Variants in UGT1A9 observed in about 807,000 individuals in gnomAD.
UGT1A9 encodes the protein UDP-glucuronosyltransferase 1A9.
A neutral mutation model predicts 45.0 loss-of-function variants in UGT1A9; 35 were observed. The ratio of observed to expected loss-of-function variants is 0.78; its 90% confidence interval spans 0.59 to 1.03. UGT1A9 has a LOEUF of 1.03. Ranked by LOEUF, UGT1A9 falls within the 50% of genes least tolerant of loss-of-function variation. UGT1A9 has a pLI of 0.00. For synonymous variants in UGT1A9, 278 were observed against 250.6 expected, an observed-to-expected ratio of 1.11 and a Z score of -1.03; for missense variants, 687 against 666.6, an observed-to-expected ratio of 1.03 and a Z score of -0.34.
chr2:233,766,403 C>T (rs889722071), intron 1 of UGT1A9, among the ~76,000 whole-genome samples: 1 of 152,294 alleles, frequency 6.6e-6, no homozygotes, highest in South Asian at 2.1e-4. Flanking sequence ...TGCGTCCCTC[C>T]GCTGATGTGC....
intron 1 of UGT1A9, among the ~76,000 whole-genome samples, chr2:233,726,233 C>G (rs536787138): frequency 6.6e-6 from 1 of 152,166 alleles, no homozygotes; most frequent in Non-Finnish European, 1.5e-5. Flanking sequence ...TTTTTTAAAA[C>G]TCCAATATGA....
chr2:233,710,910 C>A (rs1487105945), intron 1 of UGT1A9, among the ~76,000 whole-genome samples: 2 of 152,188 alleles, frequency 1.3e-5, no homozygotes, highest in African/African-American at 4.8e-5. Flanking sequence ...GGAAAGAGGT[C>A]TTTAGACCAC....
intron 1 of UGT1A9, among the ~76,000 whole-genome samples, chr2:233,685,222 G>A (rs989552534): frequency 5.9e-5 from 9 of 151,998 alleles, no homozygotes; most frequent in Non-Finnish European, 7.4e-5. Context: ...TAATAGAGAC[G>A]GGGTTTCACC....
At chr2:233,723,516 CTTTTTTTT>C (rs1162916866) in intron 1 of UGT1A9, among the ~76,000 whole-genome samples, 9 of 85,406 alleles carry the variant, frequency 1.1e-4, no homozygotes, top group African/African-American at 3.9e-4. Context: ...GGTCAACAAT[CTTTTTTTT>C]TTTTTTTTTT....
chr2:233,672,707 T>C lies in UGT1A9; in HGVS notation c.773T>C (p.Val258Ala), dbSNP rs765305963. 132 of 1,613,858 alleles carry C rather than the reference T, an allele frequency of 8.2e-5. No homozygotes were observed. In the Middle Eastern group the frequency reaches 9.9e-4, roughly 12 times the overall value. ...TSIWLLRTDF[V>A]LDYPKPVMPN... ...ATTTGGTTGTTGCGAACGGACTTTG[T>C]TTTGGACTATCCCAAACCCGTGATG... The change falls in exon 1 of 5, where the codon GTT becomes GCT. Residue 258 changes from valine (V) to alanine (A), a missense_variant. Coordinates refer to ENST00000354728, the MANE Select transcript of UGT1A9 (RefSeq NM_021027.3).
In UGT1A9 at chr2:233,769,812, GC is replaced by G; in HGVS notation, c.1295+1375del. The G allele has an allele frequency of 1.0e-6, 1 of 971,458 alleles. No individual in the cohort carries two copies. Among genetic ancestry groups the G allele is most frequent in the African/African-American group, 1.7e-5 (1 of 59,662 alleles). The allele number at this position is 971,458 out of a possible 1,614,324, so 60.2% of individuals were successfully genotyped here. A position where few individuals can be genotyped will look rare whatever the true frequency, so the allele number is the denominator to read the frequency against. On this transcript the variant is annotated intron_variant, in intron 4 of 4. Coordinates refer to ENST00000354728, the MANE Select transcript of UGT1A9 (RefSeq NM_021027.3). This position sits in a 1 kb window ranked among gnomAD's most constrained non-coding sequence, Gnocchi z 4.4. The stretch of plus-strand genomic sequence containing the variant: ...GGAGGCTGCTATGAGCCGTGATCAT[GC>G]CACTGCACTCCAGCAACCTGGGCAA...
chr2:233,761,009 A>T, intron 1 of UGT1A9: 2 of 1,614,002 alleles, frequency 1.2e-6, no homozygotes, highest in Non-Finnish European at 1.7e-6. Flanking sequence ...CTTCAGAGAG[A>T]GGTGACTGTC....
chr2:233,685,187 T>C (rs774060985), intron 1 of UGT1A9, among the ~76,000 whole-genome samples: 5 of 152,124 alleles, frequency 3.3e-5, no homozygotes, highest in Non-Finnish European at 5.9e-5. Context: ...CAGGAGAACA[T>C]TAAAACGGTT....
chr2:233,757,535 A>AATATATATACATATAT (rs376887521), intron 1 of UGT1A9, among the ~76,000 whole-genome samples: 314 of 87,900 alleles, frequency 3.6e-3, no homozygotes, highest in Non-Finnish European at 5.4e-3. Context: ...GCCTGTAAGG[A>AATATATATACATATAT]ATATATATAT....
At chr2:233,677,755 G>C (rs1223432615) in intron 1 of UGT1A9, among the ~76,000 whole-genome samples, 1 of 151,888 alleles carries the variant, frequency 6.6e-6, no homozygotes, top group Non-Finnish European at 1.5e-5. Context: ...CATCCCCTGT[G>C]GGAAGTAGTT....
At chr2:233,714,144 C>G (rs1160387494) in intron 1 of UGT1A9, among the ~76,000 whole-genome samples, 1 of 152,184 alleles carries the variant, frequency 6.6e-6, no homozygotes, top group Admixed American at 6.5e-5. Flanking sequence ...AAAGCACCAT[C>G]TTCATGGCTG....
chr2:233,742,382 T>C (rs1691962910), intron 1 of UGT1A9, among the ~76,000 whole-genome samples: 1 of 152,014 alleles, frequency 6.6e-6, no homozygotes, highest in Admixed American at 6.5e-5. Flanking sequence ...AAGGCACAGA[T>C]GGCTCATGTT....
intron 1 of UGT1A9, among the ~76,000 whole-genome samples, chr2:233,747,015 G>C (rs911515983): frequency 6.6e-6 from 1 of 151,822 alleles, no homozygotes; most frequent in African/African-American, 2.4e-5. Flanking sequence ...AGGAGTGATC[G>C]GTCTTTCCCG....
At chr2:233,766,090 G>A (rs1699047199) in intron 1 of UGT1A9, among the ~76,000 whole-genome samples, 1 of 152,166 alleles carries the variant, frequency 6.6e-6, no homozygotes, top group Admixed American at 6.5e-5. Flanking sequence ...CAAGGACAGA[G>A]GGCTTTCTGT....
intron 1 of UGT1A9, among the ~76,000 whole-genome samples, chr2:233,722,617 C>G (rs1215514710): frequency 6.6e-6 from 1 of 152,088 alleles, no homozygotes; most frequent in African/African-American, 2.4e-5. Context: ...TTTGATTTTT[C>G]TTAATGAAGC....
intron 1 of UGT1A9, among the ~76,000 whole-genome samples, chr2:233,710,022 G>A (rs190818817): frequency 8.5e-5 from 13 of 152,274 alleles, no homozygotes; most frequent in Admixed American, 1.3e-4. Context: ...AAACACACAG[G>A]TATACTGTTT....
At chr2:233,720,329 A>G (rs2076851533) in intron 1 of UGT1A9, among the ~76,000 whole-genome samples, 1 of 152,074 alleles carries the variant, frequency 6.6e-6, no homozygotes, top group Admixed American at 6.5e-5. Flanking sequence ...GACATCGTAG[A>G]GTTTGGAAGG....
chr2:233,702,618 A>C (rs2075696655), intron 1 of UGT1A9, among the ~76,000 whole-genome samples: 1 of 152,122 alleles, frequency 6.6e-6, no homozygotes, highest in Non-Finnish European at 1.5e-5. Context: ...CCCCCACATT[A>C]TGAGATTGAG....
At chr2:233,693,579 T>C (rs1240485987) in intron 1 of UGT1A9, 2 of 1,614,224 alleles carry the variant, frequency 1.2e-6, no homozygotes. Context: ...GTGTCCTACA[T>C]TCCCAGGTGC....
Sources: allele counts gnomAD v4.1 joint callset (sites outside exome capture counted in the v4.1 genomes callset), GRCh38; gene constraint gnomAD v4.1.1; non-coding constraint Gnocchi (gnomAD v3.1); transcripts MANE v1.5; gene names NCBI Gene and HGNC (gene_info 2026-07-23, HGNC 2026-07-21).